Variants in DLGAP2 observed in about 807,000 individuals in gnomAD.
DLGAP2 encodes DLG associated protein 2, also known as disks large-associated protein 2.
In DLGAP2, 26 loss-of-function variants were observed where a neutral mutation model predicts 100.3. That is an observed-to-expected ratio of 0.26 (90% CI 0.19 to 0.36). DLGAP2 has a LOEUF of 0.36. Among genes scored for constraint, DLGAP2 ranks in the 10% least tolerant of loss-of-function variants. The pLI is 1.00. For missense variants in DLGAP2, 1,858 were observed against 1,453.2 expected, an observed-to-expected ratio of 1.28 and a Z score of -4.53; for synonymous variants, 886 against 630.1, an observed-to-expected ratio of 1.41 and a Z score of -6.08.
At chr8:1,154,335 G>A (rs928988503) in intron 2 of DLGAP2, among the ~76,000 whole-genome samples, 2 of 152,128 alleles carry the variant, frequency 1.3e-5, no homozygotes, top group South Asian at 2.1e-4. Context: ...GAACAGCCAG[G>A]ACCAGGCGTG....
At chr8:1,271,111 T>C (rs1435734634) in intron 3 of DLGAP2, among the ~76,000 whole-genome samples, 1 of 152,124 alleles carries the variant, frequency 6.6e-6, no homozygotes, top group Non-Finnish European at 1.5e-5. Context: ...AAACTAACCA[T>C]TACCAAATTA....
intron 1 of DLGAP2, among the ~76,000 whole-genome samples, chr8:874,023 C>G (rs560458672): frequency 6.6e-6 from 1 of 152,160 alleles, no homozygotes; most frequent in East Asian, 1.9e-4. Context: ...TGTTCCTGTA[C>G]AATCCTTGTT....
chr8:1,269,305 C>T (rs58067385), intron 3 of DLGAP2, among the ~76,000 whole-genome samples: 24,997 of 152,152 alleles, frequency 0.16, 2,148 homozygotes, highest in African/African-American at 0.17. Context: ...CTGGAGCTCC[C>T]AGCCTGCAGA....
chr8:1,122,368 C>T (rs1796068911), intron 2 of DLGAP2, among the ~76,000 whole-genome samples: 1 of 152,120 alleles, frequency 6.6e-6, no homozygotes, highest in Non-Finnish European at 1.5e-5. Context: ...ATGGCTTTCC[C>T]TAGGATGGGC....
chr8:1,639,203 G>T (rs1001810564), intron 8 of DLGAP2, among the ~76,000 whole-genome samples: 1 of 152,090 alleles, frequency 6.6e-6, no homozygotes, highest in Non-Finnish European at 1.5e-5. Context: ...GAACAGGAGG[G>T]TATAGAAAGA....
At chr8:1,378,390 G>T (rs1278041519) in intron 3 of DLGAP2, among the ~76,000 whole-genome samples, 1 of 106,370 alleles carries the variant, frequency 9.4e-6, no homozygotes, top group Non-Finnish European at 1.9e-5. Flanking sequence ...ACCTGTCCTT[G>T]CCACACACAC....
intron 13 of DLGAP2, among the ~76,000 whole-genome samples, chr8:1,694,140 A>G (rs1162168059): frequency 1.3e-5 from 2 of 152,240 alleles, no homozygotes; most frequent in Non-Finnish European, 2.9e-5. Flanking sequence ...GTTTTAAAAT[A>G]GCTGGCTTGG....
chr8:934,994 G>A (rs555449864), intron 2 of DLGAP2, among the ~76,000 whole-genome samples: 16 of 152,290 alleles, frequency 1.1e-4, no homozygotes, highest in Middle Eastern at 3.4e-3. Flanking sequence ...AGTGTGATTT[G>A]TAGGAACGTG....
chr8:854,168 A>G (rs1163619642), intron 1 of DLGAP2, among the ~76,000 whole-genome samples: 1 of 152,164 alleles, frequency 6.6e-6, no homozygotes, highest in Non-Finnish European at 1.5e-5. Flanking sequence ...TAGCAGCCAC[A>G]TAGACTAAGA....
At chr8:836,575 C>T (rs1240272020) in intron 1 of DLGAP2, among the ~76,000 whole-genome samples, 2 of 152,158 alleles carry the variant, frequency 1.3e-5, no homozygotes, top group East Asian at 1.9e-4. Context: ...TGCAGGCCAG[C>T]GTCTTGTGGG....
At chr8:1,247,530 T>C (rs62489185) in intron 2 of DLGAP2, among the ~76,000 whole-genome samples, 1,452 of 2,250 alleles carry the variant, frequency 0.65, 637 homozygotes, top group Middle Eastern at 1. Context: ...TGGCCCATGT[T>C]GGTGGCCGGC....
intron 1 of DLGAP2, among the ~76,000 whole-genome samples, chr8:781,073 T>C (rs1162878540): frequency 6.6e-6 from 1 of 152,250 alleles, no homozygotes; most frequent in Non-Finnish European, 1.5e-5. Flanking sequence ...TATGTATAGA[T>C]AACCCCTTTT....
intron 2 of DLGAP2, among the ~76,000 whole-genome samples, chr8:1,140,991 A>T (rs897446879): frequency 1.3e-5 from 2 of 152,210 alleles, no homozygotes; most frequent in Non-Finnish European, 2.9e-5. Context: ...TCAAAAATAG[A>T]TAAAAATGAT....
chr8:1,205,246 G>T (rs946587675), intron 2 of DLGAP2, among the ~76,000 whole-genome samples: 2 of 152,208 alleles, frequency 1.3e-5, no homozygotes, highest in African/African-American at 2.4e-5. Context: ...CCTCAGTAAA[G>T]TGATAGTTTT....
intron 2 of DLGAP2, among the ~76,000 whole-genome samples, chr8:1,139,970 G>A (rs1246937169): frequency 6.6e-6 from 1 of 152,162 alleles, no homozygotes; most frequent in Non-Finnish European, 1.5e-5. Flanking sequence ...ATATTCTGGG[G>A]CCTGAGCCAG....
intron 2 of DLGAP2, among the ~76,000 whole-genome samples, chr8:1,055,669 C>T (rs1185648117): frequency 6.6e-6 from 1 of 152,196 alleles, no homozygotes; most frequent in Non-Finnish European, 1.5e-5. Flanking sequence ...TGGTCACCGT[C>T]TTCCAGCTCC....
In DLGAP2 at chr8:1,549,469, C is replaced by G. The variant is rs1014805098; in HGVS notation, c.1016C>G (p.Ser339Cys). The G allele has an allele frequency of 1.2e-6, 2 of 1,613,464 alleles. No homozygotes were observed. Among genetic ancestry groups the G allele is most frequent in the Non-Finnish European group, 1.7e-6 (2 of 1,179,774 alleles). The change falls in exon 5 of 15, where the codon TCC (serine) becomes TGC (cysteine). Residue 339 changes from serine to cysteine, a missense_variant. By Grantham distance (112) the Ser-to-Cys change is moderately radical (BLOSUM62 -1). Transcript: ENST00000637795. ...DALQSPFGDL[S>C]LKTSKSNNDV... ...CTGCAGAGCCCCTTCGGGGACCTGT[C>G]CCTCAAGACCTCCAAGAGCAACAAC... is the stretch of plus-strand genomic sequence containing the variant.
At chr8:1,565,569 A>G (rs1024736707) in intron 5 of DLGAP2, 114 bp from the exon 6 acceptor site, 1 of 754,348 alleles carries the variant, frequency 1.3e-6, no homozygotes, top group African/African-American at 1.8e-5. Flanking sequence ...CTGATAAATG[A>G]CTGTAAAGAG....
intron 2 of DLGAP2, among the ~76,000 whole-genome samples, chr8:1,166,037 G>A (rs2116664244): frequency 6.6e-6 from 1 of 152,314 alleles, no homozygotes. Flanking sequence ...TCTCCCGTCA[G>A]TAACCCATGG....
Sources: allele counts gnomAD v4.1 joint callset (sites outside exome capture counted in the v4.1 genomes callset), GRCh38; gene constraint gnomAD v4.1.1; transcripts MANE v1.5; gene names NCBI Gene and HGNC (gene_info 2026-07-23, HGNC 2026-07-21).